The following MGAT4C variants were observed in gnomAD, a reference collection of about 807,000 sequenced individuals.
MGAT4C encodes the protein MGAT4 family member C, also known as alpha-1,3-mannosyl-glycoprotein 4-beta-N-acetylglucosaminyltransferase C.
MGAT4C carries 19 observed loss-of-function variants against 40.1 expected under a neutral mutation model. The observed-to-expected ratio is 0.47, with a 90% confidence interval of 0.33 to 0.70. The LOEUF (loss-of-function observed/expected upper bound fraction) is 0.70. Ranked by LOEUF, MGAT4C falls within the 30% of genes least tolerant of loss-of-function variation. The pLI is 0.02. For missense variants in MGAT4C, 491 were observed against 563.2 expected (o/e 0.87, Z 1.30); for synonymous variants, 181 against 187.1 (o/e 0.97, Z 0.27).
chr12:86,128,207 A>G (rs895997348), intron 1 of MGAT4C, among the ~76,000 whole-genome samples: 3 of 152,282 alleles, frequency 2.0e-5, no homozygotes, highest in African/African-American at 7.2e-5. Flanking sequence ...ACTTTCATAC[A>G]TGCCGTCCTT....
intron 2 of MGAT4C, among the ~76,000 whole-genome samples, chr12:86,587,577 C>G (rs1375309359): frequency 6.6e-6 from 1 of 152,008 alleles, no homozygotes; most frequent in Non-Finnish European, 1.5e-5. Flanking sequence ...TCTTCCTACC[C>G]ATGAGCATGG....
chr12:86,782,761 T>C (rs1593203030), intron 1 of MGAT4C, among the ~76,000 whole-genome samples: 1 of 152,090 alleles, frequency 6.6e-6, no homozygotes, highest in Non-Finnish European at 1.5e-5. Context: ...AAGAAAGAGA[T>C]ACCAATGATC....
At chr12:86,162,141 T>G (rs932261890) in intron 1 of MGAT4C, among the ~76,000 whole-genome samples, 2 of 152,152 alleles carry the variant, frequency 1.3e-5, no homozygotes, top group African/African-American at 4.8e-5. Flanking sequence ...ATCCTATTAC[T>G]GGGTGTATAC....
chr12:86,065,761 G>A (rs1339023761), intron 1 of MGAT4C, among the ~76,000 whole-genome samples: 3 of 152,136 alleles, frequency 2.0e-5, no homozygotes, highest in African/African-American at 4.8e-5. Context: ...AAAAGAGGAG[G>A]TCAAATTGCC....
chr12:86,213,762 G>T (rs946791285), intron 1 of MGAT4C, among the ~76,000 whole-genome samples: 1 of 152,176 alleles, frequency 6.6e-6, no homozygotes, highest in Admixed American at 6.5e-5. Context: ...TGTCAAAACC[G>T]AAGTTAAAAG....
At chr12:86,023,683 C>A (rs2136875414) in intron 2 of MGAT4C, among the ~76,000 whole-genome samples, 1 of 150,622 alleles carries the variant, frequency 6.6e-6, no homozygotes, top group Admixed American at 6.6e-5. Context: ...TCAAATAGAA[C>A]ACATAATACT....
chr12:86,345,394 T>C (rs1955007512), intron 3 of MGAT4C, among the ~76,000 whole-genome samples: 1 of 152,214 alleles, frequency 6.6e-6, no homozygotes, highest in African/African-American at 2.4e-5. Context: ...CATTTAGCAT[T>C]AGGTACATCT....
intron 3 of MGAT4C, among the ~76,000 whole-genome samples, chr12:86,427,077 T>C (rs1046170626): frequency 1.3e-5 from 2 of 152,156 alleles, no homozygotes; most frequent in African/African-American, 4.8e-5. Context: ...GAAGGAGGTA[T>C]TGGGGAAAGA....
chr12:86,377,123 C>T (rs1004587760), intron 3 of MGAT4C, among the ~76,000 whole-genome samples: 7 of 149,670 alleles, frequency 4.7e-5, no homozygotes, highest in South Asian at 2.1e-4. Flanking sequence ...TGCAATGGCA[C>T]GATCTCCGCT....
intron 1 of MGAT4C, among the ~76,000 whole-genome samples, chr12:86,809,458 A>G (rs988655147): frequency 6.6e-6 from 1 of 152,016 alleles, no homozygotes; most frequent in African/African-American, 2.4e-5. Context: ...GAAATTGACA[A>G]ATTGGTTCCC....
intron 1 of MGAT4C, among the ~76,000 whole-genome samples, chr12:86,241,386 A>G (rs7301543): frequency 0.021 from 3,213 of 152,106 alleles, 96 homozygotes; most frequent in African/African-American, 0.073. Context: ...TCCCTCTAAC[A>G]TTTCCAACTG....
chr12:86,532,149 G>A (rs779655863), intron 2 of MGAT4C, among the ~76,000 whole-genome samples: 3 of 152,000 alleles, frequency 2.0e-5, no homozygotes, highest in Admixed American at 6.6e-5. Flanking sequence ...ATGACGTTAA[G>A]TGGGACAATA....
At chr12:86,736,824 A>G (rs890225224) in intron 1 of MGAT4C, among the ~76,000 whole-genome samples, 1 of 151,712 alleles carries the variant, frequency 6.6e-6, no homozygotes, top group Non-Finnish European at 1.5e-5. Context: ...TTTATACTTG[A>G]ATATTCTAAT....
intron 4 of MGAT4C, among the ~76,000 whole-genome samples, chr12:86,274,920 C>A (rs1404408340): frequency 6.6e-6 from 1 of 152,102 alleles, no homozygotes; most frequent in Non-Finnish European, 1.5e-5. Flanking sequence ...GCTCTTCTTG[C>A]AGAAAAGCTT....
chr12:86,816,793 CCAAA>C (rs1298138117), intron 1 of MGAT4C, among the ~76,000 whole-genome samples: 5 of 151,210 alleles, frequency 3.3e-5, no homozygotes, highest in East Asian at 1.9e-4. Context: ...TATTTTTGTA[CCAAA>C]CATTTTGTCT....
chr12:86,276,791 C>T (rs1953090205), intron 4 of MGAT4C, among the ~76,000 whole-genome samples: 1 of 152,178 alleles, frequency 6.6e-6, no homozygotes, highest in African/African-American at 2.4e-5. Flanking sequence ...CTAAATGCTA[C>T]TCCATTGTGT....
intron 1 of MGAT4C, among the ~76,000 whole-genome samples, chr12:86,242,727 C>G (rs868818409): frequency 3.3e-5 from 5 of 151,852 alleles, no homozygotes; most frequent in Non-Finnish European, 7.4e-5. Context: ...CCTAGCTGTC[C>G]CATCCAACCT....
intron 2 of MGAT4C, among the ~76,000 whole-genome samples, chr12:86,452,211 T>G (rs1957434685): frequency 6.6e-6 from 1 of 151,500 alleles, no homozygotes; most frequent in African/African-American, 2.4e-5. Flanking sequence ...TTTTTTTATA[T>G]ACTTTTTTAT....
At chr12:86,126,349 T>C (rs1005757128) in intron 1 of MGAT4C, among the ~76,000 whole-genome samples, 1 of 152,006 alleles carries the variant, frequency 6.6e-6, no homozygotes, top group Non-Finnish European at 1.5e-5. Context: ...AAAGTATAAG[T>C]ATAGTGGAAG....
Sources: gnomAD v4.1 joint callset for allele counts (sites outside exome capture counted in the v4.1 genomes callset) on GRCh38, gnomAD v4.1.1 for gene constraint, MANE v1.5 for transcripts, NCBI Gene and HGNC (gene_info 2026-07-23, HGNC 2026-07-21) for gene names.